TENM3: variants seen among roughly 807,000 people sequenced by gnomAD.
The protein encoded by TENM3 is teneurin-3.
Under a neutral mutation model 255.1 loss-of-function variants are expected in TENM3, and 63 were observed. The ratio of observed to expected loss-of-function variants is 0.25; its 90% CI spans 0.20 to 0.30. The LOEUF (loss-of-function observed/expected upper bound fraction) is 0.30, where lower values mean the gene tolerates loss of function less well. Ranked by LOEUF, TENM3 falls within the 10% of genes least tolerant of loss-of-function variation. The pLI is 1.00. For missense variants in TENM3, 2,929 were observed against 3,461.1 expected (o/e 0.85, Z 3.86); for synonymous variants, 1,306 against 1,322.3 (o/e 0.99, Z 0.27).
At chr4:182,497,592 C>CA (rs915754728) in intron 3 of TENM3, among the ~76,000 whole-genome samples, 11 of 152,212 alleles carry the variant, frequency 7.2e-5, no homozygotes, top group African/African-American at 2.4e-4. Context: ...TCAATTCAAA[C>CA]AGGCAGTGAG....
the TENM3 span, among the ~76,000 whole-genome samples, chr4:181,654,719 A>T: frequency 1.4e-5 from 2 of 142,784 alleles, no homozygotes; most frequent in Non-Finnish European, 3.0e-5. Context: ...GCGCCACTGC[A>T]CTCCAGCCCA....
intron 3 of TENM3, among the ~76,000 whole-genome samples, chr4:182,559,126 G>GTT (rs1742877037): frequency 8.6e-6 from 1 of 115,952 alleles, no homozygotes; most frequent in African/African-American, 3.0e-5. Context: ...TATTCCTCGG[G>GTT]ATTTTTTTTT....
At chr4:181,465,738 G>A in the TENM3 span, among the ~76,000 whole-genome samples, 1 of 152,008 alleles carries the variant, frequency 6.6e-6, no homozygotes, top group Non-Finnish European at 1.5e-5. Context: ...CCTCTGAATA[G>A]CGCTGAAACT....
intron 3 of TENM3, among the ~76,000 whole-genome samples, chr4:182,528,156 C>T (rs1739410026): frequency 6.6e-6 from 1 of 152,074 alleles, no homozygotes; most frequent in Non-Finnish European, 1.5e-5. Flanking sequence ...CTCACTCTGT[C>T]GCCAAGGCTG....
intron 1 of TENM3, among the ~76,000 whole-genome samples, chr4:182,209,187 C>T (rs55679647): frequency 0.16 from 24,300 of 151,718 alleles, 2,366 homozygotes; most frequent in Non-Finnish European, 0.21. Context: ...AGGCTGGTCT[C>T]GAACTCCTGA....
intron 6 of TENM3, among the ~76,000 whole-genome samples, chr4:182,663,244 T>C (rs1386963318): frequency 6.6e-6 from 1 of 152,214 alleles, no homozygotes; most frequent in Non-Finnish European, 1.5e-5. Context: ...TCAGTGGGCT[T>C]CAAACTATTT....
chr4:181,985,535 T>A, the TENM3 span, among the ~76,000 whole-genome samples: 1 of 152,092 alleles, frequency 6.6e-6, no homozygotes, highest in South Asian at 2.1e-4. Flanking sequence ...CAGCAGAGAA[T>A]CTGATGATAT....
At chr4:182,498,728 G>T (rs556603728) in intron 3 of TENM3, among the ~76,000 whole-genome samples, 1 of 152,090 alleles carries the variant, frequency 6.6e-6, no homozygotes, top group Non-Finnish European at 1.5e-5. Flanking sequence ...GGTGGCGTGT[G>T]CCTGTAATCC....
chr4:182,669,301 A>G (rs992339080), intron 6 of TENM3, among the ~76,000 whole-genome samples: 3 of 151,894 alleles, frequency 2.0e-5, no homozygotes, highest in Non-Finnish European at 4.4e-5. Flanking sequence ...ATGGAGTCTC[A>G]CTCTGTTGCC....
the TENM3 span, among the ~76,000 whole-genome samples, chr4:182,106,797 T>A: frequency 2.0e-5 from 3 of 152,160 alleles, no homozygotes; most frequent in Non-Finnish European, 2.9e-5. Context: ...GGTATTAGCA[T>A]CAGTATCAGC....
intron 4 of TENM3, among the ~76,000 whole-genome samples, chr4:182,606,211 T>C (rs533719649): frequency 5.7e-4 from 87 of 152,134 alleles, no homozygotes; most frequent in Non-Finnish European, 1.2e-3. Flanking sequence ...AGAGAACACT[T>C]ATCACAATAT....
At chr4:181,654,135 C>T in the TENM3 span, among the ~76,000 whole-genome samples, 4 of 151,392 alleles carry the variant, frequency 2.6e-5, no homozygotes, top group African/African-American at 9.7e-5. Flanking sequence ...CTCAATTTTT[C>T]TTACATACTA....
the TENM3 span, among the ~76,000 whole-genome samples, chr4:182,055,375 A>ATAAG: frequency 1.3e-4 from 19 of 151,904 alleles, no homozygotes; most frequent in Non-Finnish European, 2.5e-4. Flanking sequence ...AAATAAATAA[A>ATAAG]TAGACCTCCC....
the TENM3 span, among the ~76,000 whole-genome samples, chr4:181,544,408 T>TAAAAAAAAAAAAAAAAAAAAAAAAAAAA: frequency 1.6e-4 from 11 of 68,668 alleles, 2 homozygotes; most frequent in East Asian, 5.9e-4. Flanking sequence ...CCTTCAGGAT[T>TAAAAAAAAAAAAAAAAAAAAAAAAAAAA]AAAAAAAAAA....
At chr4:182,346,567 G>T in intron 2 of TENM3, 84 bp from the exon 3 acceptor site, 1 of 1,156,576 alleles carries the variant, frequency 8.6e-7, no homozygotes, top group South Asian at 1.7e-5. Flanking sequence ...ATTTCTGAAA[G>T]ACATTCTTAA....
At chr4:182,261,239 T>C (rs1758770670) in intron 1 of TENM3, among the ~76,000 whole-genome samples, 1 of 152,190 alleles carries the variant, frequency 6.6e-6, no homozygotes, top group Admixed American at 6.5e-5. Flanking sequence ...TGCACTGAAG[T>C]TCGAGACACT....
chr4:182,637,389 C>G (rs2152487050), intron 5 of TENM3, among the ~76,000 whole-genome samples: 1 of 152,266 alleles, frequency 6.6e-6, no homozygotes, highest in East Asian at 1.9e-4. Flanking sequence ...GACGTGGTGG[C>G]AAGCATCTGT....
In TENM3 at chr4:182,792,909, G is replaced by A; in HGVS notation, c.6237G>A (p.Lys2079=). The change falls in exon 26 of 28, where the codon AAG becomes AAA. Residue 2079 remains lysine, a synonymous_variant. Transcript: ENST00000511685. The surrounding 1 kb of genome is among the most constrained non-coding windows in gnomAD (Gnocchi z 6.3). The stretch of plus-strand genomic sequence containing the variant: ...CTACAGCTGTAATGACCTATACGAA[G>A]CACTTTGATGCTCATGGCCGTATCA... ...IISTAVMTYT[K]HFDAHGRIKE... is the part of the protein sequence containing the mutation. The A allele has an allele frequency of 6.2e-7, 1 of 1,613,812 alleles. No homozygotes were observed. Among genetic ancestry groups the A allele is most frequent in the Non-Finnish European group, 8.5e-7 (1 of 1,179,834 alleles).
intron 1 of TENM3, among the ~76,000 whole-genome samples, chr4:182,216,288 A>T (rs1362302982): frequency 6.6e-6 from 1 of 152,240 alleles, no homozygotes; most frequent in Non-Finnish European, 1.5e-5. Flanking sequence ...ATTACTGCAC[A>T]TGTGTGAAAG....
Sources: allele counts gnomAD v4.1 joint callset (sites outside exome capture counted in the v4.1 genomes callset), GRCh38; gene constraint gnomAD v4.1.1; non-coding constraint Gnocchi (gnomAD v3.1); transcripts MANE v1.5; gene names NCBI Gene and HGNC (gene_info 2026-07-23, HGNC 2026-07-21).